Variants in CDYL observed in about 807,000 individuals in gnomAD.
The protein encoded by CDYL is chromodomain Y-like protein.
Under a neutral mutation model 47.3 loss-of-function variants are expected in CDYL, and 8 were observed. That is an observed-to-expected ratio of 0.17 (90% CI 0.10 to 0.31). The LOEUF (loss-of-function observed/expected upper bound fraction) is 0.31, where lower values mean the gene tolerates loss of function less well. Among genes scored for constraint, CDYL ranks in the 10% least tolerant of loss-of-function variants. The pLI, the probability that CDYL is intolerant of heterozygous loss-of-function variation, is 1.00. For missense variants in CDYL, 471 were observed against 701.4 expected, an observed-to-expected ratio of 0.67 and a Z score of 3.71; for synonymous variants, 266 against 265.0, an observed-to-expected ratio of 1.00 and a Z score of -0.04.
intron 3 of CDYL, among the ~76,000 whole-genome samples, chr6:4,743,553 A>G (rs959947436): frequency 1.3e-5 from 2 of 152,172 alleles, no homozygotes; most frequent in East Asian, 1.9e-4. Flanking sequence ...CTTGCTTTAT[A>G]TTATTCAGGA....
intron 1 of CDYL, among the ~76,000 whole-genome samples, chr6:4,814,819 A>G (rs1759625404): frequency 6.6e-6 from 1 of 152,164 alleles, no homozygotes; most frequent in South Asian, 2.1e-4. Context: ...CACCCCACCC[A>G]GCCCAAATTT....
intron 1 of CDYL, among the ~76,000 whole-genome samples, chr6:4,803,529 A>C (rs1365852947): frequency 6.6e-6 from 1 of 152,168 alleles, no homozygotes; most frequent in Non-Finnish European, 1.5e-5. Flanking sequence ...AACTTTCTCC[A>C]GTAACAGGAT....
chr6:4,823,809 G>A (rs191196248), intron 1 of CDYL, among the ~76,000 whole-genome samples: 2 of 149,900 alleles, frequency 1.3e-5, no homozygotes, highest in East Asian at 3.9e-4. Context: ...TGTTATATTT[G>A]TATTTGTATT....
intron 5 of CDYL, 158 bp downstream of exon 5, chr6:4,943,914 T>G: frequency 1.8e-6 from 1 of 561,860 alleles, no homozygotes; most frequent in East Asian, 2.9e-5. Context: ...GTTGTTGACC[T>G]TTGTTGCATC....
At chr6:4,725,958 G>A (rs1280270869) in intron 2 of CDYL, among the ~76,000 whole-genome samples, 6 of 152,192 alleles carry the variant, frequency 3.9e-5, no homozygotes, top group Non-Finnish European at 8.8e-5. Context: ...ACCAAGCAGC[G>A]TTTCACTGCA....
chr6:4,806,953 G>C (rs1759386813), intron 1 of CDYL, among the ~76,000 whole-genome samples: 1 of 152,190 alleles, frequency 6.6e-6, no homozygotes, highest in Admixed American at 6.5e-5. Context: ...GTGCGGGCAG[G>C]ATGGGATTCT....
At chr6:4,824,969 C>A (rs925303496) in intron 1 of CDYL, among the ~76,000 whole-genome samples, 3 of 151,970 alleles carry the variant, frequency 2.0e-5, no homozygotes, top group Admixed American at 6.6e-5. Context: ...CTCCTGAGTT[C>A]AAGCAATTTT....
intron 1 of CDYL, among the ~76,000 whole-genome samples, chr6:4,870,398 A>G (rs938024350): frequency 6.6e-6 from 1 of 152,150 alleles, no homozygotes; most frequent in Non-Finnish European, 1.5e-5. Context: ...TTATTCCTGT[A>G]TAAATTATGA....
intron 2 of CDYL, among the ~76,000 whole-genome samples, chr6:4,723,990 T>C (rs769231543): frequency 2.6e-5 from 4 of 152,206 alleles, no homozygotes; most frequent in Non-Finnish European, 5.9e-5. Context: ...CGTGAAATTA[T>C]TTTACTCATC....
chr6:4,714,375 A>G (rs780163616), intron 1 of CDYL: 2 of 151,880 alleles, frequency 1.3e-5, no homozygotes, highest in Non-Finnish European at 2.9e-5. Context: ...ACCTTTATGA[A>G]CTGCAGTGTC....
intron 2 of CDYL, among the ~76,000 whole-genome samples, chr6:4,925,729 C>T (rs1416146627): frequency 2.0e-5 from 3 of 152,044 alleles, no homozygotes; most frequent in African/African-American, 7.2e-5. Context: ...GGAGAGTAGG[C>T]ATGGATGAGT....
chr6:4,840,224 G>A (rs760509479), intron 1 of CDYL, among the ~76,000 whole-genome samples: 1 of 151,954 alleles, frequency 6.6e-6, no homozygotes, highest in African/African-American at 2.4e-5. Context: ...TGTTGTTGGT[G>A]TATAGCAGAG....
At chr6:4,878,343 A>G (rs554641624) in intron 1 of CDYL, among the ~76,000 whole-genome samples, 1 of 152,114 alleles carries the variant, frequency 6.6e-6, no homozygotes, top group South Asian at 2.1e-4. Context: ...ATTCACCAGC[A>G]AAGCCATCTG....
chr6:4,715,750 A>G, exon 2 of CDYL: 3 of 1,613,210 alleles, frequency 1.9e-6, no homozygotes, highest in Admixed American at 3.3e-5. Context: ...GGTGGTCATC[A>G]GAGAACACAG....
chr6:4,775,617 AGCCGCGCCCTCGCGCCGCCCTCC>A (rs1226066322), upstream of CDYL, among the ~76,000 whole-genome samples: 15 of 151,430 alleles, frequency 9.9e-5, no homozygotes, highest in South Asian at 2.1e-4. This position sits in a 1 kb window ranked among gnomAD's most constrained non-coding sequence, Gnocchi z 7.0. Flanking sequence ...GAGCGGAGGC[AGCCGCGCCCTCGCGCCGCCCTCC>A]GCCGCGCCCG....
intron 4 of CDYL, among the ~76,000 whole-genome samples, chr6:4,939,281 T>TA (rs1418126115): frequency 6.6e-6 from 1 of 151,906 alleles, no homozygotes; most frequent in Non-Finnish European, 1.5e-5. Flanking sequence ...GTGTGGTGGG[T>TA]AGGGGGGCTC....
At chr6:4,915,507 C>T (rs544179361) in intron 2 of CDYL, among the ~76,000 whole-genome samples, 1 of 152,220 alleles carries the variant, frequency 6.6e-6, no homozygotes, top group African/African-American at 2.4e-5. Context: ...GGCAGACACA[C>T]CTCATTATAC....
intron 2 of CDYL, among the ~76,000 whole-genome samples, chr6:4,732,764 A>C (rs745830192): frequency 2.0e-5 from 3 of 152,134 alleles, no homozygotes; most frequent in Non-Finnish European, 4.4e-5. Context: ...GCAATAGATA[A>C]GCAAATGAAA....
At chr6:4,944,971 G>A (rs1429972758) in intron 5 of CDYL, among the ~76,000 whole-genome samples, 1 of 152,146 alleles carries the variant, frequency 6.6e-6, no homozygotes, top group Non-Finnish European at 1.5e-5. Context: ...CATGAGGAAC[G>A]TCAGGCCCAG....
Sources: gnomAD v4.1 joint callset for allele counts (sites outside exome capture counted in the v4.1 genomes callset) on GRCh38, gnomAD v4.1.1 for gene constraint, Gnocchi (gnomAD v3.1) non-coding constraint, MANE v1.5 for transcripts, NCBI Gene and HGNC (gene_info 2026-07-23, HGNC 2026-07-21) for gene names.